GRK4: variants seen among roughly 807,000 people sequenced by gnomAD.
GRK4 encodes G protein-coupled receptor kinase 2-like.
Under a neutral mutation model 77.9 loss-of-function variants are expected in GRK4, and 73 were observed. That is an observed-to-expected ratio of 0.94 (90% CI 0.78 to 1.14). The LOEUF is 1.14. GRK4 is among the 50% of genes most tolerant of loss of function. The pLI, the probability that GRK4 is intolerant of heterozygous loss-of-function variation, is 0.00. For synonymous variants in GRK4, 257 were observed against 254.4 expected (o/e 1.01, Z -0.10); for missense variants, 729 against 700.2 (o/e 1.04, Z -0.46).
At chr4:3,016,461 T>G (rs1200918852) in intron 8 of GRK4, among the ~76,000 whole-genome samples, 3 of 149,518 alleles carry the variant, frequency 2.0e-5, no homozygotes, top group East Asian at 2.0e-4. Flanking sequence ...GAGGTTGCAG[T>G]GAGCCCAGAT....
intron 1 of GRK4, among the ~76,000 whole-genome samples, chr4:2,979,444 G>A (rs377106046): frequency 3.4e-4 from 52 of 151,540 alleles, no homozygotes; most frequent in African/African-American, 1.2e-3. Context: ...CAGGCACGGT[G>A]GCTCACGCCT....
At chr4:2,965,627 T>C (rs1717418009) in intron 1 of GRK4, 3 of 616,812 alleles carry the variant, frequency 4.9e-6, no homozygotes, top group Non-Finnish European at 8.8e-6. Context: ...AAGGCTCACT[T>C]GGGCCCAGGA....
intron 10 of GRK4, among the ~76,000 whole-genome samples, chr4:3,023,907 C>A (rs780994306): frequency 2.6e-5 from 4 of 152,118 alleles, no homozygotes; most frequent in African/African-American, 7.2e-5. Flanking sequence ...TGTGCTTGCT[C>A]ATAAACATAA....
chr4:3,025,830 A>G (rs1324675398), intron 10 of GRK4, among the ~76,000 whole-genome samples: 2 of 152,160 alleles, frequency 1.3e-5, no homozygotes, highest in Non-Finnish European at 2.9e-5. Flanking sequence ...CTCATATTTC[A>G]TTCCTTCATT....
intron 1 of GRK4, among the ~76,000 whole-genome samples, chr4:2,967,159 C>T (rs1444036771): frequency 1.3e-5 from 2 of 152,210 alleles, no homozygotes; most frequent in East Asian, 1.9e-4. Flanking sequence ...CCAAATCTGT[C>T]TTGATCTTGG....
At chr4:2,978,059 C>T (rs1189105930) in intron 1 of GRK4, among the ~76,000 whole-genome samples, 1 of 152,092 alleles carries the variant, frequency 6.6e-6, no homozygotes, top group African/African-American at 2.4e-5. Context: ...TCTCTTTTGA[C>T]AATAAAATAT....
chr4:3,036,380 G>A (rs1180817951), intron 13 of GRK4, among the ~76,000 whole-genome samples: 1 of 152,246 alleles, frequency 6.6e-6, no homozygotes, highest in Non-Finnish European at 1.5e-5. Flanking sequence ...TCCCCACCTT[G>A]AGGGTATGAA....
chr4:3,005,290 T>TA (rs1299687256), intron 5 of GRK4, among the ~76,000 whole-genome samples: 3 of 151,924 alleles, frequency 2.0e-5, no homozygotes, highest in African/African-American at 7.3e-5. Flanking sequence ...AGTTTATTCT[T>TA]TGCTCTGAGA....
chr4:2,998,118 A>C (rs113850000), intron 4 of GRK4, among the ~76,000 whole-genome samples: 2,478 of 152,158 alleles, frequency 0.016, 59 homozygotes, highest in African/African-American at 0.057. Context: ...GCACTTTGGG[A>C]GGCCAAAGCG....
At chr4:3,037,100 T>C (rs1291049337) in intron 13 of GRK4, among the ~76,000 whole-genome samples, 1 of 151,000 alleles carries the variant, frequency 6.6e-6, no homozygotes, top group Non-Finnish European at 1.5e-5. Flanking sequence ...TGTGTGTGTG[T>C]GTGAGAAAGA....
At chr4:3,035,039 C>G (rs1021410488) in intron 12 of GRK4, among the ~76,000 whole-genome samples, 4 of 151,884 alleles carry the variant, frequency 2.6e-5, no homozygotes, top group Non-Finnish European at 5.9e-5. Flanking sequence ...GGGTGGATCA[C>G]GAGGTCAGGA....
intron 1 of GRK4, among the ~76,000 whole-genome samples, chr4:2,980,595 C>G (rs1444017851): frequency 6.6e-6 from 1 of 151,952 alleles, no homozygotes; most frequent in Non-Finnish European, 1.5e-5. Context: ...TCCTTGGGCC[C>G]ATCTGTGAGG....
chr4:3,034,730 T>C (rs2110079082), intron 12 of GRK4, among the ~76,000 whole-genome samples: 1 of 152,348 alleles, frequency 6.6e-6, no homozygotes, highest in Middle Eastern at 3.4e-3. Context: ...TGCTAAGTGG[T>C]TGCCTCATCT....
rs867838234 is a variant in GRK4, at chr4:3,019,691, C to T, written c.792C>T (p.Leu264=). Residue 264 remains leucine, a synonymous_variant, in exon 9 of 16, where the codon CTC becomes CTT. Coordinates refer to ENST00000398052, the MANE Select transcript of GRK4 (RefSeq NM_182982.3). ...CCAAAGATGCCTTGTGCTTGGTGCT[C>T]ACCATTATGAATGGAGGGGATTTGA... ...YETKDALCLV[L]TIMNGGDLKF... 6.2e-7 allele frequency: 1 copy of T among 1,614,200 alleles called. No individual in the cohort carries two copies. Among genetic ancestry groups the T allele is most frequent in the Middle Eastern group, 1.6e-4 (1 of 6,062 alleles).
intron 8 of GRK4, among the ~76,000 whole-genome samples, chr4:3,016,047 T>C (rs1734392075): frequency 6.6e-6 from 1 of 151,352 alleles, no homozygotes; most frequent in Non-Finnish European, 1.5e-5. Flanking sequence ...TAGCTGGTTT[T>C]ACAGGTGCCC....
chr4:2,973,971 G>A (rs1379545867), intron 1 of GRK4, among the ~76,000 whole-genome samples: 1 of 152,124 alleles, frequency 6.6e-6, no homozygotes, highest in Admixed American at 6.5e-5. Flanking sequence ...TACGGGGCTT[G>A]TTCTCTCACC....
chr4:2,969,339 C>T (rs1718741205), intron 1 of GRK4: 1 of 151,716 alleles, frequency 6.6e-6, no homozygotes, highest in Non-Finnish European at 1.5e-5. Context: ...TGTGCCTGGC[C>T]AAATTTTCTT....
intron 1 of GRK4, among the ~76,000 whole-genome samples, chr4:2,969,824 T>C (rs1718945476): frequency 6.6e-6 from 1 of 152,118 alleles, no homozygotes; most frequent in Non-Finnish European, 1.5e-5. Context: ...ACCACAGGCA[T>C]GCGCTGCCAT....
At chr4:3,037,138 C>G (rs1218599403) in intron 13 of GRK4, among the ~76,000 whole-genome samples, 1 of 151,070 alleles carries the variant, frequency 6.6e-6, no homozygotes, top group Non-Finnish European at 1.5e-5. Context: ...TGCAAGGGAC[C>G]TGGCACAGAC....
Sources: gnomAD v4.1 joint callset for allele counts (sites outside exome capture counted in the v4.1 genomes callset) on GRCh38, gnomAD v4.1.1 for gene constraint, MANE v1.5 for transcripts, NCBI Gene and HGNC (gene_info 2026-07-23, HGNC 2026-07-21) for gene names.